NFIC: variants seen among roughly 807,000 people sequenced by gnomAD.
The protein encoded by NFIC is nuclear factor 1 C-type.
In NFIC, 12 loss-of-function variants were observed where a neutral mutation model predicts 54.4. The ratio of observed to expected loss-of-function variants is 0.22; its 90% CI spans 0.14 to 0.36. The LOEUF (loss-of-function observed/expected upper bound fraction) is 0.36. Ranked by LOEUF, NFIC falls within the 10% of genes least tolerant of loss-of-function variation. The pLI is 1.00. For synonymous variants in NFIC, 322 were observed against 319.2 expected (o/e 1.01, Z -0.09); for missense variants, 575 against 718.2 (o/e 0.80, Z 2.28).
chr19:3,420,281 A>G (rs1299948444), intron 2 of NFIC, among the ~76,000 whole-genome samples: 2 of 152,086 alleles, frequency 1.3e-5, no homozygotes. Flanking sequence ...TGATTGTGCC[A>G]CCTTACTCCA....
At position 3,420,560 on chromosome 19, in the gene NFIC, T is replaced by A. The variant is rs527378238; in HGVS notation, c.563-4546T>A. ...AGAGCGAGATTCCATCTCAAAAAAA[T>A]AAATAAATAAATAAATAAATAAATA... On this transcript the variant is annotated intron_variant, in intron 2 of 10. Transcript: ENST00000443272. 9.8e-3 allele frequency among the ~76,000 whole-genome samples: 1,316 copies of A among 134,634 alleles called. 22 individuals carry two copies. The highest frequency in any genetic ancestry group is 0.037 in the African/African-American group (1,216 of 32,448). 88.3% of individuals were successfully genotyped at this position (134,634 alleles called of 152,430 possible). A position where few individuals can be genotyped will look rare whatever the true frequency, so the allele number is the denominator to read the frequency against.
intron 10 of NFIC, among the ~76,000 whole-genome samples, chr19:3,457,492 C>T (rs935475334): frequency 6.6e-6 from 1 of 152,106 alleles, no homozygotes; most frequent in Non-Finnish European, 1.5e-5. Context: ...TGTGTGAGCG[C>T]GTCTTCGGGT....
intron 2 of NFIC, among the ~76,000 whole-genome samples, chr19:3,416,670 A>G (rs12981554): frequency 0.4 from 59,871 of 150,706 alleles, 14,556 homozygotes; most frequent in Non-Finnish European, 0.54. Flanking sequence ...GATTACAGGC[A>G]TGTGCCACCG....
chr19:3,463,140 G>A lies in NFIC; in HGVS notation c.*371G>A, dbSNP rs774796160. The A allele has an allele frequency of 1.5e-4, 170 of 1,119,124 alleles. No homozygotes were observed. The highest frequency in any genetic ancestry group is 3.9e-4 in the Middle Eastern group (1 of 2,544). 69.3% of individuals were successfully genotyped at this position (1,119,124 alleles called of 1,614,324 possible). A position where few individuals can be genotyped will look rare whatever the true frequency, so the allele number is the denominator to read the frequency against. On this transcript the variant is annotated 3_prime_UTR_variant, in exon 11 of 11. Coordinates refer to ENST00000443272, the MANE Select transcript of NFIC (RefSeq NM_001245002.2). ...TTCATCTCCTCTCCGCCTGCTGCTCGGGAAGGACAGACGCCGGCCGCCCGC... is the reference window on the plus strand; with the variant it reads ...TTCATCTCCTCTCCGCCTGCTGCTCAGGAAGGACAGACGCCGGCCGCCCGC...
At chr19:3,403,714 G>A (rs1357153280) in intron 2 of NFIC, among the ~76,000 whole-genome samples, 4 of 152,180 alleles carry the variant, frequency 2.6e-5, no homozygotes, top group East Asian at 1.9e-4. Flanking sequence ...TGGCTGGGCC[G>A]CCAGCCTTGC....
Position 3,382,245 on chromosome 19 carries a change from T to TGAGGTGTGGTGGCCTGAGCGGAGCGGC in NFIC, c.562+3_562+29dup, listed in dbSNP as rs1479861269. On this transcript the variant is annotated splice_region_variant and intron_variant, in intron 2 of 10. Transcript: ENST00000443272. ...TGGCCTACTTCGTGCGTGAGCGAGG[T>TGAGGTGTGGTGGCCTGAGCGGAGCGGC]GAGGTGTGGTGGCCTGAGCGGAGCG... 14 of 1,598,472 alleles carry TGAGGTGTGGTGGCCTGAGCGGAGCGGC rather than the reference T, an allele frequency of 8.8e-6. No homozygotes were observed. In the Admixed American group the frequency reaches 2.0e-4, roughly 23 times the overall value.
At position 3,463,421 on chromosome 19, in the gene NFIC, G is replaced by T. The variant is rs1016315543; in HGVS notation, c.*652G>T. The T allele has an allele frequency of 7.1e-6, 7 of 985,512 alleles. No homozygotes were observed. Among genetic ancestry groups the T allele is most frequent in the East Asian group, 1.1e-4 (1 of 8,814 alleles). 61.0% of individuals were successfully genotyped at this position (985,512 alleles called of 1,614,324 possible). ...GGGGCAGGCGAGTGGTGTCGCGGGG[G>T]TGCGTGGCGCTTGCGAGCCCTGGCC... On this transcript the variant is annotated 3_prime_UTR_variant, in exon 11 of 11. Coordinates refer to ENST00000443272, the MANE Select transcript of NFIC (RefSeq NM_001245002.2).
intron 2 of NFIC, among the ~76,000 whole-genome samples, chr19:3,390,279 A>G (rs111892291): frequency 6.6e-6 from 1 of 152,200 alleles, no homozygotes; most frequent in Non-Finnish European, 1.5e-5. Flanking sequence ...TGTGCAGAGA[A>G]GGTGGCTGCC....
chr19:3,448,760 C>T lies in NFIC; in HGVS notation c.959-254C>T, dbSNP rs150724051. Among the ~76,000 whole-genome samples the T allele has an allele frequency of 3.3e-3, 509 of 152,252 alleles. 3 individuals are homozygous for T. The highest frequency in any genetic ancestry group is 0.012 in the African/African-American group (488 of 41,544). The stretch of plus-strand genomic sequence containing the variant: ...AAGGAGAGTAGGCAAGGGCCAGGAG[C>T]GAGGCCCAGGGGCACGTGTTGATAC... On this transcript the variant is annotated intron_variant, in intron 6 of 10. Coordinates refer to ENST00000443272, the MANE Select transcript of NFIC (RefSeq NM_001245002.2).
At chr19:3,438,685 T>C (rs753076679) in intron 6 of NFIC, among the ~76,000 whole-genome samples, 1 of 151,934 alleles carries the variant, frequency 6.6e-6, no homozygotes, top group Admixed American at 6.6e-5. Flanking sequence ...GATCCGCCCA[T>C]CTCGGCCTCC....
chr19:3,390,140 T>G (rs2081355817), intron 2 of NFIC, among the ~76,000 whole-genome samples: 2 of 151,990 alleles, frequency 1.3e-5, no homozygotes, highest in Non-Finnish European at 2.9e-5. Flanking sequence ...GACCCAGGAG[T>G]GGCTGTCACC....
At chr19:3,407,512 G>A (rs1010051919) in intron 2 of NFIC, among the ~76,000 whole-genome samples, 4 of 151,792 alleles carry the variant, frequency 2.6e-5, no homozygotes, top group East Asian at 3.9e-4. Context: ...TTGGTTCACC[G>A]TGCCCTCTGC....
At chr19:3,446,314 G>A (rs1163338933) in intron 6 of NFIC, among the ~76,000 whole-genome samples, 1 of 152,142 alleles carries the variant, frequency 6.6e-6, no homozygotes, top group Non-Finnish European at 1.5e-5. Context: ...CTAACCCAGA[G>A]GGTCTCACCC....
chr19:3,451,580 A>G (rs1475153086), intron 7 of NFIC, among the ~76,000 whole-genome samples: 1 of 151,194 alleles, frequency 6.6e-6, no homozygotes, highest in Non-Finnish European at 1.5e-5. Flanking sequence ...GTAGTGAGCC[A>G]TGATCATGCC....
At chr19:3,361,005 C>A (rs1197844683) in intron 1 of NFIC, among the ~76,000 whole-genome samples, 1 of 152,218 alleles carries the variant, frequency 6.6e-6, no homozygotes, top group Non-Finnish European at 1.5e-5. Flanking sequence ...TTTCCTGTAA[C>A]TGGGGACTGC....
intron 2 of NFIC, among the ~76,000 whole-genome samples, chr19:3,403,055 A>C (rs1028852474): frequency 2.6e-5 from 4 of 152,218 alleles, no homozygotes; most frequent in African/African-American, 9.6e-5. Context: ...GGAGAATCCC[A>C]AATATTCATG....
chr19:3,441,647 C>CAAGGGCCAGAGGGGCCCAAGGG (rs1191073573), intron 6 of NFIC, among the ~76,000 whole-genome samples: 1 of 152,178 alleles, frequency 6.6e-6, no homozygotes, highest in Non-Finnish European at 1.5e-5. Flanking sequence ...TGGACCGAGG[C>CAAGGGCCAGAGGGGCCCAAGGG]AAGGGCCAGA....
intron 1 of NFIC, among the ~76,000 whole-genome samples, chr19:3,361,184 C>G (rs1026431937): frequency 6.6e-6 from 1 of 152,178 alleles, no homozygotes; most frequent in African/African-American, 2.4e-5. Flanking sequence ...CGCGATCACT[C>G]GGCACGCAGA....
intron 6 of NFIC, among the ~76,000 whole-genome samples, chr19:3,437,470 G>A (rs2082221883): frequency 6.6e-6 from 1 of 152,056 alleles, no homozygotes; most frequent in African/African-American, 2.4e-5. Flanking sequence ...GGCTCCCAGA[G>A]CAGGAACATT....
Sources: allele counts gnomAD v4.1 joint callset (sites outside exome capture counted in the v4.1 genomes callset), GRCh38; gene constraint gnomAD v4.1.1; transcripts MANE v1.5; gene names NCBI Gene and HGNC (gene_info 2026-07-23, HGNC 2026-07-21).